Variants in KCNQ1 observed in about 807,000 individuals in gnomAD.
KCNQ1 encodes potassium voltage-gated channel subfamily Q member 1.
In KCNQ1, 49 loss-of-function variants were observed where a neutral mutation model predicts 72.4. That is an observed-to-expected ratio of 0.68 (90% CI 0.54 to 0.86). The LOEUF (loss-of-function observed/expected upper bound fraction) is 0.86. KCNQ1 is among the 40% of genes least tolerant of loss of function. The pLI, the probability that KCNQ1 is intolerant of heterozygous loss-of-function variation, is 0.00. For missense variants in KCNQ1, 790 were observed against 945.1 expected, an observed-to-expected ratio of 0.84 and a Z score of 2.15; for synonymous variants, 450 against 412.6, an observed-to-expected ratio of 1.09 and a Z score of -1.10.
chr11:2,733,849 C>CACTCTT (rs58155156), intron 11 of KCNQ1, among the ~76,000 whole-genome samples: 766 of 35,166 alleles, frequency 0.022, 47 homozygotes, highest in Non-Finnish European at 0.031. Context: ...CTCTCTCTCT[C>CACTCTT]TCTCTCTCCC....
Position 2,817,788 on chromosome 11 carries a change from C to T in KCNQ1, c.1795-29979C>T, listed in dbSNP as rs1847648722. On this transcript the variant is annotated intron_variant, in intron 15 of 15. Coordinates refer to ENST00000155840, the MANE Select transcript of KCNQ1 (RefSeq NM_000218.3). The surrounding 1 kb of genome is among the most constrained non-coding windows in gnomAD (Gnocchi z 6.1). ...ATTAGACTCAAAGAGACATGATATCCCCTTGGGCTGCAACTTAAATTCCAA... is the reference window on the plus strand; with the variant it reads ...ATTAGACTCAAAGAGACATGATATCTCCTTGGGCTGCAACTTAAATTCCAA... Among the ~76,000 whole-genome samples the T allele has an allele frequency of 2.0e-5, 3 of 152,202 alleles. No homozygotes were observed. In the South Asian group the frequency reaches 6.2e-4, roughly 32 times the overall value.
chr11:2,604,082 C>A (rs554439875), intron 10 of KCNQ1, among the ~76,000 whole-genome samples: 2 of 152,148 alleles, frequency 1.3e-5, no homozygotes, highest in Non-Finnish European at 2.9e-5. Flanking sequence ...TGTTGATAAG[C>A]ATTTTAGATT....
intron 15 of KCNQ1, among the ~76,000 whole-genome samples, chr11:2,789,837 A>T (rs1846983585): frequency 6.6e-6 from 1 of 152,116 alleles, no homozygotes; most frequent in African/African-American, 2.4e-5. Flanking sequence ...GGTGAGTGTG[A>T]TGGGAAAGGG....
At chr11:2,614,354 TA>T (rs1849026707) in intron 10 of KCNQ1, 1 of 398,470 alleles carries the variant, frequency 2.5e-6, no homozygotes, top group South Asian at 1.3e-4. Flanking sequence ...GTGCACCCTT[TA>T]AATTTTTTAA....
Position 2,566,415 on chromosome 11 carries a change from G to A in KCNQ1, c.478-4213G>A, listed in dbSNP as rs1332633985. 2.0e-4 allele frequency among the ~76,000 whole-genome samples: 31 copies of A among 152,298 alleles called. No individual in the cohort carries two copies. The highest frequency in any genetic ancestry group is 2.9e-5 in the Non-Finnish European group (2 of 68,026). On this transcript the variant is annotated intron_variant, in intron 2 of 15. Transcript: ENST00000155840. This position sits in a 1 kb window ranked among gnomAD's most constrained non-coding sequence, Gnocchi z 6.7. ...GGGGCTCTCTCTGCCATGGACGCCA[G>A]TCTTCCCTCCCCTAAGCTGCGGGTG... is the stretch of plus-strand genomic sequence containing the variant.
chr11:2,838,130 A>C (rs1848117502), intron 15 of KCNQ1, among the ~76,000 whole-genome samples: 1 of 152,162 alleles, frequency 6.6e-6, no homozygotes, highest in African/African-American at 2.4e-5. Flanking sequence ...AGTTTCAGGA[A>C]GGGGACCTAC....
At chr11:2,832,023 A>G (rs1044593420) in intron 15 of KCNQ1, among the ~76,000 whole-genome samples, 3 of 151,672 alleles carry the variant, frequency 2.0e-5, no homozygotes, top group Admixed American at 1.3e-4. Flanking sequence ...GCAGACCTCC[A>G]CCTCCAGGCA....
At position 2,669,312 on chromosome 11, in the gene KCNQ1, A is replaced by AT; in HGVS notation, c.1514+7232dup. On this transcript the variant is annotated intron_variant, in intron 11 of 15. Coordinates refer to ENST00000155840, the MANE Select transcript of KCNQ1 (RefSeq NM_000218.3). The surrounding 1 kb of genome is among the most constrained non-coding windows in gnomAD (Gnocchi z 5.6). ...CCTCACCATACATATGCCAGTTGCC[A>AT]TGGAAAGCCTCCTCTAGGCGCAGCA... The AT allele has an allele frequency of 2.5e-6, 1 of 398,604 alleles. No individual in the cohort carries two copies. The highest frequency in any genetic ancestry group is 4.4e-6 in the Non-Finnish European group (1 of 226,072). 24.7% of individuals were successfully genotyped at this position (398,604 alleles called of 1,614,324 possible). A position where few individuals can be genotyped will look rare whatever the true frequency, so the allele number is the denominator to read the frequency against.
chr11:2,513,703 C>T (rs1847245470), intron 1 of KCNQ1, among the ~76,000 whole-genome samples: 2 of 152,224 alleles, frequency 1.3e-5, no homozygotes, highest in Non-Finnish European at 2.9e-5. Context: ...ACCGGCCTCT[C>T]TCCTGAGTTC....
chr11:2,628,391 T>G (rs573782741), intron 10 of KCNQ1: 2 of 398,582 alleles, frequency 5.0e-6, no homozygotes, highest in East Asian at 3.6e-5. Context: ...TGATAAGTGA[T>G]GTTAAGCACC....
chr11:2,753,288 G>A (rs1413153668), intron 11 of KCNQ1, among the ~76,000 whole-genome samples: 2 of 152,196 alleles, frequency 1.3e-5, no homozygotes, highest in Non-Finnish European at 2.9e-5. Context: ...GGATGGGTTG[G>A]AAGGGGTGAG....
chr11:2,663,500 G>C lies in KCNQ1; in HGVS notation c.1514+1419G>C. ...CATGTTGTGTGCAATACAGGTGGCAGTGCCTGTATTGCCTCTTGGCTGTCC... is the reference window on the plus strand; with the variant it reads ...CATGTTGTGTGCAATACAGGTGGCACTGCCTGTATTGCCTCTTGGCTGTCC... On this transcript the variant is annotated intron_variant, in intron 11 of 15. Transcript: ENST00000155840. This position sits in a 1 kb window ranked among gnomAD's most constrained non-coding sequence, Gnocchi z 5.2. 1 of 398,704 alleles carries C rather than the reference G, an allele frequency of 2.5e-6. No homozygotes were observed. The highest frequency in any genetic ancestry group is 4.4e-6 in the Non-Finnish European group (1 of 226,090). The allele number at this position is 398,704 out of a possible 1,614,324, so 24.7% of individuals were successfully genotyped here. A position where few individuals can be genotyped will look rare whatever the true frequency, so the allele number is the denominator to read the frequency against.
rs1371844513 is a variant in KCNQ1, at chr11:2,710,491, A to G, written c.1514+48410A>G. 6.6e-6 allele frequency among the ~76,000 whole-genome samples: 1 copy of G among 152,094 alleles called. No homozygotes were observed. The highest frequency in any genetic ancestry group is 2.4e-5 in the African/African-American group (1 of 41,416). Reference sequence around the variant, plus strand: ...AGGTTTTTAATTTTGATGAAGTTCAATTTATCTGTTTCTTTCTTTGGATGC... The same window carrying G: ...AGGTTTTTAATTTTGATGAAGTTCAGTTTATCTGTTTCTTTCTTTGGATGC... On this transcript the variant is annotated intron_variant, in intron 11 of 15. Transcript: ENST00000155840. This position sits in a 1 kb window ranked among gnomAD's most constrained non-coding sequence, Gnocchi z 4.1.
At position 2,544,420 on chromosome 11, in the gene KCNQ1, A is replaced by G. The variant is rs917289108; in HGVS notation, c.477+16402A>G. 3.3e-5 allele frequency among the ~76,000 whole-genome samples: 5 copies of G among 150,422 alleles called. No homozygotes were observed. Among genetic ancestry groups the G allele is most frequent in the Admixed American group, 2.7e-4 (4 of 15,084 alleles). On this transcript the variant is annotated intron_variant, in intron 2 of 15. Transcript: ENST00000155840. The surrounding 1 kb of genome is among the most constrained non-coding windows in gnomAD (Gnocchi z 4.4). ...TATATATGTGTGTGTATATATATAT[A>G]TGGTTACATACCTAATATGTATATG... is the stretch of plus-strand genomic sequence containing the variant.
At position 2,473,153 on chromosome 11, in the gene KCNQ1, C is replaced by G. The variant is rs964325874; in HGVS notation, c.386+27669C>G. Among the ~76,000 whole-genome samples, 3 of 152,148 alleles carry G rather than the reference C, an allele frequency of 2.0e-5. No individual in the cohort carries two copies. The highest frequency in any genetic ancestry group is 7.2e-5 in the African/African-American group (3 of 41,424). On this transcript the variant is annotated intron_variant, in intron 1 of 15. Transcript: ENST00000155840. The surrounding 1 kb of genome is among the most constrained non-coding windows in gnomAD (Gnocchi z 6.0). ...TCCCCTGTGCTGGAAGCTGCAGGAG[C>G]TGCTGCCTGTGGCTGAGGAGAGGCC... is the stretch of plus-strand genomic sequence containing the variant.
chr11:2,591,519 C>T (rs907319692), intron 10 of KCNQ1, among the ~76,000 whole-genome samples: 2 of 152,234 alleles, frequency 1.3e-5, no homozygotes, highest in Non-Finnish European at 2.9e-5. Context: ...ACCATTGTCT[C>T]CATGCAAATG....
chr11:2,535,072 C>T (rs1200833681), intron 2 of KCNQ1, among the ~76,000 whole-genome samples: 1 of 152,224 alleles, frequency 6.6e-6, no homozygotes, highest in Non-Finnish European at 1.5e-5. Flanking sequence ...CTCTGCCCAG[C>T]CAGACTTCAG....
At chr11:2,556,468 G>T (rs546927666) in intron 2 of KCNQ1, among the ~76,000 whole-genome samples, 1 of 152,314 alleles carries the variant, frequency 6.6e-6, no homozygotes, top group South Asian at 2.1e-4. Context: ...GATTTGATTA[G>T]CACACGGCCA....
At chr11:2,807,424 C>A (rs954952234) in intron 15 of KCNQ1, among the ~76,000 whole-genome samples, 2 of 152,198 alleles carry the variant, frequency 1.3e-5, no homozygotes, top group Admixed American at 6.5e-5. Context: ...GTGCCGCCCG[C>A]GGTCGCTGCA....
Sources: gnomAD v4.1 joint callset for allele counts (sites outside exome capture counted in the v4.1 genomes callset) on GRCh38, gnomAD v4.1.1 for gene constraint, Gnocchi (gnomAD v3.1) non-coding constraint, MANE v1.5 for transcripts, NCBI Gene and HGNC (gene_info 2026-07-23, HGNC 2026-07-21) for gene names.